Variants in OLFM3 observed in about 807,000 individuals in gnomAD.
The protein encoded by OLFM3 is noelin-3.
In OLFM3, 20 loss-of-function variants were observed where a neutral mutation model predicts 48.6. That is an observed-to-expected ratio of 0.41 (90% CI 0.29 to 0.60). The LOEUF is 0.60. Ranked by LOEUF, OLFM3 falls within the 20% of genes least tolerant of loss-of-function variation. The pLI is 0.28. For synonymous variants in OLFM3, 222 were observed against 198.1 expected, an observed-to-expected ratio of 1.12 and a Z score of -1.01; for missense variants, 437 against 544.3, an observed-to-expected ratio of 0.80 and a Z score of 1.96.
intron 1 of OLFM3, among the ~76,000 whole-genome samples, chr1:101,937,402 T>C (rs1223658784): frequency 6.6e-6 from 1 of 152,210 alleles, no homozygotes; most frequent in Non-Finnish European, 1.5e-5. Flanking sequence ...ATGGTTTGGC[T>C]GTGTCCCAAC....
intron 1 of OLFM3, among the ~76,000 whole-genome samples, chr1:101,946,964 T>A (rs900034289): frequency 6.6e-6 from 1 of 152,282 alleles, no homozygotes; most frequent in East Asian, 1.9e-4. Flanking sequence ...TTTTGGAAGA[T>A]AAAATTAAGT....
intron 1 of OLFM3, among the ~76,000 whole-genome samples, chr1:101,843,764 C>T (rs1234333950): frequency 1.3e-5 from 2 of 152,112 alleles, no homozygotes; most frequent in African/African-American, 4.8e-5. Context: ...CTCTATTTTT[C>T]CTGGTTTTCT....
intron 1 of OLFM3, chr1:101,893,307 T>C (rs1658075391): frequency 1.1e-5 from 4 of 366,748 alleles, no homozygotes; most frequent in East Asian, 7.9e-5. Context: ...GGAATGCAAA[T>C]AAGAATTCAT....
chr1:101,912,040 C>T (rs557290413), intron 1 of OLFM3, among the ~76,000 whole-genome samples: 87 of 152,222 alleles, frequency 5.7e-4, no homozygotes, highest in African/African-American at 1.8e-3. Context: ...GGTCCTCAGC[C>T]AGGAGAAGAA....
At chr1:101,964,150 C>G (rs1660545820) in intron 1 of OLFM3, among the ~76,000 whole-genome samples, 1 of 152,042 alleles carries the variant, frequency 6.6e-6, no homozygotes, top group South Asian at 2.1e-4. Flanking sequence ...AGTCTTGAAG[C>G]AGATTGTAGG....
chr1:101,985,115 A>G (rs1416856376), intron 1 of OLFM3, among the ~76,000 whole-genome samples: 4 of 152,028 alleles, frequency 2.6e-5, no homozygotes, highest in Admixed American at 6.6e-5. Context: ...TCCTTTCCCC[A>G]TTTTAAAAGT....
chr1:101,884,395 C>G (rs773195642), intron 1 of OLFM3, among the ~76,000 whole-genome samples: 1 of 151,702 alleles, frequency 6.6e-6, no homozygotes, highest in Non-Finnish European at 1.5e-5. Flanking sequence ...AGATAAGTTC[C>G]CAGGCACCAT....
intron 1 of OLFM3, among the ~76,000 whole-genome samples, chr1:101,932,085 A>G (rs892605315): frequency 4.6e-5 from 7 of 151,972 alleles, no homozygotes; most frequent in African/African-American, 1.5e-4. Flanking sequence ...GTAGAGTGTG[A>G]TTTTTTCCCC....
chr1:101,931,555 G>A (rs1659446170), intron 1 of OLFM3, among the ~76,000 whole-genome samples: 1 of 152,198 alleles, frequency 6.6e-6, no homozygotes, highest in African/African-American at 2.4e-5. Context: ...TACTGCATGA[G>A]CAATCACAAA....
At chr1:101,945,575 G>C (rs1400466392) in intron 1 of OLFM3, among the ~76,000 whole-genome samples, 1 of 152,050 alleles carries the variant, frequency 6.6e-6, no homozygotes, top group South Asian at 2.1e-4. Context: ...TTATATTGGT[G>C]ATAGTTTTAT....
chr1:101,812,173 CG>C (rs1654092181), intron 4 of OLFM3, among the ~76,000 whole-genome samples: 1 of 148,368 alleles, frequency 6.7e-6, no homozygotes, highest in South Asian at 2.2e-4. Flanking sequence ...CATCACACAC[CG>C]GGGCCTTTCA....
intron 1 of OLFM3, among the ~76,000 whole-genome samples, chr1:101,953,208 G>A (rs1406728998): frequency 1.3e-5 from 2 of 152,070 alleles, no homozygotes; most frequent in African/African-American, 4.8e-5. Context: ...ACTAGAATAT[G>A]TCAAATTACA....
chr1:101,921,745 C>T (rs1300064153), intron 1 of OLFM3, among the ~76,000 whole-genome samples: 2 of 152,068 alleles, frequency 1.3e-5, no homozygotes, highest in African/African-American at 4.8e-5. Context: ...GATGAGAAAA[C>T]TGAAATTCAG....
chr1:101,897,797 G>A (rs1658255325), intron 1 of OLFM3, among the ~76,000 whole-genome samples: 1 of 152,106 alleles, frequency 6.6e-6, no homozygotes, highest in African/African-American at 2.4e-5. Context: ...CATAATCCAA[G>A]TAACTCATGT....
rs761881274 is a variant in OLFM3 at position 101,933,201 on chromosome 1, C to CAAAAAAAAAAAAAAAA, written c.69+63531_69+63546dup. 1.7e-4 allele frequency among the ~76,000 whole-genome samples: 7 copies of CAAAAAAAAAAAAAAAA among 40,130 alleles called. No homozygotes were observed. The East Asian group carries it at 2.3e-3, about 13-fold the overall frequency. 26.3% of individuals were successfully genotyped at this position (40,130 alleles called of 152,430 possible). ...TGGGTGACAGAGTGAGACTCCATCT[C>CAAAAAAAAAAAAAAAA]AAAAAAAAAAAAAAAAAAAAAAAAA... On this transcript the variant is annotated intron_variant, in intron 1 of 5. Transcript: ENST00000370103.
chr1:101,954,352 T>G (rs1660227939), intron 1 of OLFM3, among the ~76,000 whole-genome samples: 1 of 152,072 alleles, frequency 6.6e-6, no homozygotes, highest in South Asian at 2.1e-4. Context: ...TACCTATAAG[T>G]TTTATTTCAG....
In OLFM3 at chr1:101,813,070, A is replaced by G. The variant is rs1654146157; in HGVS notation, c.593-6888T>C. On this transcript the variant is annotated intron_variant, in intron 4 of 5. Transcript: ENST00000370103. ...AACAGGGAGGCAAGTCGCGTGTTAT[A>G]GCTTCCCAAAATACTATTGCTTATG... 3 of 1,278,566 alleles carry G rather than the reference A, an allele frequency of 2.3e-6. No homozygotes were observed. The South Asian group carries it at 3.9e-5, about 17-fold the overall frequency. The allele number at this position is 1,278,566 out of a possible 1,614,324, so 79.2% of individuals were successfully genotyped here.
intron 1 of OLFM3, among the ~76,000 whole-genome samples, chr1:101,991,749 C>A (rs1661419811): frequency 6.7e-6 from 1 of 148,412 alleles, no homozygotes; most frequent in Admixed American, 6.8e-5. Flanking sequence ...TTCAGGGGAG[C>A]AATGTTTGAT....
chr1:101,907,319 T>C (rs1373921950), intron 1 of OLFM3, among the ~76,000 whole-genome samples: 3 of 152,238 alleles, frequency 2.0e-5, no homozygotes, highest in African/African-American at 7.2e-5. Flanking sequence ...GGACTATTTA[T>C]ATACAAAACC....
Sources: gnomAD v4.1 joint callset for allele counts (sites outside exome capture counted in the v4.1 genomes callset) on GRCh38, gnomAD v4.1.1 for gene constraint, MANE v1.5 for transcripts, NCBI Gene and HGNC (gene_info 2026-07-23, HGNC 2026-07-21) for gene names.